Variants in CACNA1E observed in about 807,000 individuals in gnomAD.
The protein encoded by CACNA1E is voltage-dependent R-type calcium channel subunit alpha-1E.
A neutral mutation model predicts 259.2 loss-of-function variants in CACNA1E; 40 were observed. That is an observed-to-expected ratio of 0.15 (90% CI 0.12 to 0.20). CACNA1E has a LOEUF of 0.20. Ranked by LOEUF, CACNA1E falls within the 10% of genes least tolerant of loss-of-function variation. The pLI is 1.00. For missense variants in CACNA1E, 1,874 were observed against 3,040.1 expected (o/e 0.62, Z 9.02); for synonymous variants, 1,104 against 1,138.5 (o/e 0.97, Z 0.61).
chr1:181,621,413 C>T (rs1655708252), intron 6 of CACNA1E, among the ~76,000 whole-genome samples: 1 of 152,160 alleles, frequency 6.6e-6, no homozygotes, highest in African/African-American at 2.4e-5. Context: ...TATGGGTTAA[C>T]AGAAAGACAT....
At chr1:181,497,105 A>G (rs1198063070) in intron 1 of CACNA1E, among the ~76,000 whole-genome samples, 2 of 152,138 alleles carry the variant, frequency 1.3e-5, no homozygotes, top group East Asian at 3.8e-4. Context: ...TGAGATCACC[A>G]TCTGCCCCAC....
In CACNA1E at chr1:181,485,318, C is replaced by T. The variant is rs1383538427; in HGVS notation, c.266+1308C>T. On this transcript the variant is annotated intron_variant, in intron 1 of 47. Coordinates refer to ENST00000367573, the MANE Select transcript of CACNA1E (RefSeq NM_001205293.3). The surrounding 1 kb of genome is among the most constrained non-coding windows in gnomAD (Gnocchi z 4.2). ...TTTCCCCCAGGGCCTGGGCATCTCC[C>T]TACTCCCCCAACCCCAGTCTCTGGC... 6.6e-6 allele frequency among the ~76,000 whole-genome samples: 1 copy of T among 152,208 alleles called. No individual in the cohort carries two copies. The highest frequency in any genetic ancestry group is 2.4e-5 in the African/African-American group (1 of 41,444).
upstream of CACNA1E, among the ~76,000 whole-genome samples, chr1:181,482,641 C>T (rs769648433): frequency 6.6e-6 from 1 of 152,278 alleles, no homozygotes; most frequent in African/African-American, 2.4e-5. Flanking sequence ...GCTCGCTGTC[C>T]TCTGCCTCGC....
intron 1 of CACNA1E, among the ~76,000 whole-genome samples, chr1:181,391,941 C>CTGTGTGTGTGTG (rs1168690866): frequency 1.9e-4 from 22 of 116,842 alleles, no homozygotes; most frequent in African/African-American, 2.8e-4. Flanking sequence ...CTCTCTCTCT[C>CTGTGTGTGTGTG]TCTCTGTGTG....
intron 2 of CACNA1E, among the ~76,000 whole-genome samples, chr1:181,421,645 T>TA (rs1219683975): frequency 6.6e-6 from 1 of 152,216 alleles, no homozygotes; most frequent in Non-Finnish European, 1.5e-5. Context: ...ATGGCACCAC[T>TA]ATTTCTCCAG....
At chr1:181,486,478 C>T (rs1050889954) in intron 1 of CACNA1E, among the ~76,000 whole-genome samples, 1 of 152,216 alleles carries the variant, frequency 6.6e-6, no homozygotes, top group African/African-American at 2.4e-5. Context: ...CTAGTCTCAC[C>T]TTCCTTTCCT....
chr1:181,334,652 T>C (rs994868903), intron 1 of CACNA1E, among the ~76,000 whole-genome samples: 4 of 152,196 alleles, frequency 2.6e-5, no homozygotes, highest in Non-Finnish European at 5.9e-5. Context: ...GTTGGCTCTG[T>C]CTTCAAAATA....
intron 1 of CACNA1E, among the ~76,000 whole-genome samples, chr1:181,375,531 A>C (rs6679742): frequency 0.022 from 3,350 of 152,250 alleles, 133 homozygotes; most frequent in African/African-American, 0.074. Flanking sequence ...TTTGGTGCTT[A>C]CTTCGTCTAT....
intron 1 of CACNA1E, among the ~76,000 whole-genome samples, chr1:181,368,892 G>A (rs553924152): frequency 4.0e-4 from 61 of 152,252 alleles, no homozygotes; most frequent in African/African-American, 1.4e-3. Flanking sequence ...TTCCTAGAAT[G>A]GATCTCAGAA....
intron 34 of CACNA1E, among the ~76,000 whole-genome samples, chr1:181,763,865 C>T (rs1214447901): frequency 1.3e-5 from 2 of 152,188 alleles, no homozygotes; most frequent in East Asian, 1.9e-4. Context: ...GTAACCCCAT[C>T]CATGTAAAGA....
At chr1:181,546,782 A>C (rs543251541) in intron 3 of CACNA1E, among the ~76,000 whole-genome samples, 3 of 152,292 alleles carry the variant, frequency 2.0e-5, no homozygotes, top group South Asian at 4.1e-4. Context: ...ATGTGCTCTG[A>C]ATATCAGTGT....
chr1:181,779,536 C>T (rs1297829158), intron 38 of CACNA1E: 3 of 451,010 alleles, frequency 6.7e-6, no homozygotes, highest in African/African-American at 6.0e-5. Context: ...GGGTGGCTTG[C>T]AAGGTTTGCC....
chr1:181,682,275 G>A (rs1194241040), intron 7 of CACNA1E, among the ~76,000 whole-genome samples: 2 of 152,176 alleles, frequency 1.3e-5, no homozygotes, highest in Non-Finnish European at 2.9e-5. Context: ...TTCCAAAGAG[G>A]ATGGGATACA....
At chr1:181,481,971 G>T (rs149882199), upstream of CACNA1E, among the ~76,000 whole-genome samples, 1 of 152,304 alleles carries the variant, frequency 6.6e-6, no homozygotes, top group East Asian at 1.9e-4. Flanking sequence ...ACTCACCATG[G>T]AGGGCCCTTC....
chr1:181,437,848 A>G (rs1439627601), intron 2 of CACNA1E, among the ~76,000 whole-genome samples: 1 of 152,148 alleles, frequency 6.6e-6, no homozygotes, highest in East Asian at 1.9e-4. Flanking sequence ...ACATAAATCC[A>G]CATGTAAATG....
intron 3 of CACNA1E, among the ~76,000 whole-genome samples, chr1:181,518,019 G>T (rs1666720778): frequency 6.6e-6 from 1 of 152,132 alleles, no homozygotes; most frequent in South Asian, 2.1e-4. Context: ...GGACCTCAGA[G>T]ACCTGTCTTT....
rs1652045490 is a variant in CACNA1E at position 181,586,196 on chromosome 1, C to G, written c.951+5420C>G. Among the ~76,000 whole-genome samples the G allele has an allele frequency of 2.6e-5, 4 of 151,990 alleles. No homozygotes were observed. The South Asian group carries it at 8.3e-4, about 32-fold the overall frequency. On this transcript the variant is annotated intron_variant, in intron 6 of 47. Transcript: ENST00000367573. Reference sequence around the variant, plus strand: ...GAAAGCAGCAAGAAGAGTGGAGTTGCCATTAACTAAGCTGGGGAAGAACAC... The same window carrying G: ...GAAAGCAGCAAGAAGAGTGGAGTTGGCATTAACTAAGCTGGGGAAGAACAC...
intron 2 of CACNA1E, among the ~76,000 whole-genome samples, chr1:181,414,518 T>C (rs558471646): frequency 6.6e-6 from 1 of 152,220 alleles, no homozygotes; most frequent in Non-Finnish European, 1.5e-5. Flanking sequence ...AGTCCGAATG[T>C]ATGCCGGGCT....
chr1:181,546,720 C>T (rs1647516971), intron 3 of CACNA1E, among the ~76,000 whole-genome samples: 1 of 152,196 alleles, frequency 6.6e-6, no homozygotes, highest in Non-Finnish European at 1.5e-5. Context: ...AGTGCACATT[C>T]ATCAGCTCCT....
Sources: allele counts gnomAD v4.1 joint callset (sites outside exome capture counted in the v4.1 genomes callset), GRCh38; gene constraint gnomAD v4.1.1; non-coding constraint Gnocchi (gnomAD v3.1); transcripts MANE v1.5; gene names NCBI Gene and HGNC (gene_info 2026-07-23, HGNC 2026-07-21).